The following RNF130 variants were observed in gnomAD, a reference collection of about 807,000 sequenced individuals.
RNF130 encodes the protein ring finger protein 130.
Under a neutral mutation model 44.6 loss-of-function variants are expected in RNF130, and 21 were observed. The observed-to-expected ratio is 0.47, with a 90% CI of 0.33 to 0.68. RNF130 has a LOEUF of 0.68. Ranked by LOEUF, RNF130 falls within the 30% of genes least tolerant of loss-of-function variation. RNF130 has a pLI of 0.02. For missense variants in RNF130, 479 were observed against 560.6 expected, an observed-to-expected ratio of 0.85 and a Z score of 1.47; for synonymous variants, 214 against 210.4, an observed-to-expected ratio of 1.02 and a Z score of -0.15.
At chr5:180,055,248 CAAAAAAA>C (rs1205914690) in intron 1 of RNF130, among the ~76,000 whole-genome samples, 4 of 20,988 alleles carry the variant, frequency 1.9e-4, no homozygotes, top group East Asian at 2.5e-3. Context: ...GGTTCTGTCT[CAAAAAAA>C]AAAAAAAAAA....
In RNF130 at chr5:180,040,448, T is replaced by C. The variant is rs369267739; in HGVS notation, c.442+5A>G. The C allele has an allele frequency of 1.2e-6, 2 of 1,603,570 alleles. No homozygotes were observed. The highest frequency in any genetic ancestry group is 1.3e-5 in the African/African-American group (1 of 74,422). On this transcript the variant is annotated splice_donor_5th_base_variant and intron_variant, in intron 2 of 8. Transcript: ENST00000521389. ...ACAAAATCAACAACCCTCATTTTTG[T>C]TTACCTGGATGAGTCATGGTAACTG...
At chr5:179,927,952 ACT>A (rs1448017784) in intron 7 of RNF130, among the ~76,000 whole-genome samples, 7 of 151,882 alleles carry the variant, frequency 4.6e-5, no homozygotes. Flanking sequence ...TTGTGTCTAG[ACT>A]CTGTCTGACA....
intron 3 of RNF130, among the ~76,000 whole-genome samples, chr5:179,990,160 G>A (rs796776443): frequency 3.9e-5 from 6 of 152,262 alleles, no homozygotes; most frequent in African/African-American, 1.4e-4. Flanking sequence ...GCGGAGACCA[G>A]TAGTGGCCCC....
intron 3 of RNF130, among the ~76,000 whole-genome samples, chr5:179,994,313 T>C (rs1358264486): frequency 6.6e-6 from 1 of 152,328 alleles, no homozygotes; most frequent in East Asian, 1.9e-4. Context: ...AGTATGGCCA[T>C]TTTCACAATA....
chr5:179,924,243 C>G (rs569356254), intron 7 of RNF130, among the ~76,000 whole-genome samples: 1 of 152,038 alleles, frequency 6.6e-6, no homozygotes, highest in Non-Finnish European at 1.5e-5. Flanking sequence ...CGCCTGTAAT[C>G]CCAGCACTTT....
chr5:179,984,081 A>G (rs1305480860), intron 3 of RNF130, among the ~76,000 whole-genome samples: 1 of 152,102 alleles, frequency 6.6e-6, no homozygotes, highest in Non-Finnish European at 1.5e-5. Flanking sequence ...TCAATTATTC[A>G]TTACTCATAT....
intron 1 of RNF130, among the ~76,000 whole-genome samples, chr5:180,061,271 G>GA (rs754181935): frequency 2.0e-5 from 3 of 152,140 alleles, no homozygotes; most frequent in Non-Finnish European, 2.9e-5. Context: ...TGGTCTTTTG[G>GA]AAAAAACCAC....
chr5:179,957,965 C>T lies in RNF130; in HGVS notation c.1245-2296G>A, dbSNP rs868713121. 6.7e-3 allele frequency among the ~76,000 whole-genome samples: 1,011 copies of T among 151,492 alleles called. 9 individuals are homozygous for T. Among genetic ancestry groups the T allele is most frequent in the African/African-American group, 0.023 (957 of 41,356 alleles). On this transcript the variant is annotated intron_variant, in intron 8 of 8. Transcript: ENST00000521389. ...GGATCTCGGCTCACTGCAAGCTCCGCCTCCCGGGTTCACGCCATTCTCCTG... is the reference window on the plus strand; with the variant it reads ...GGATCTCGGCTCACTGCAAGCTCCGTCTCCCGGGTTCACGCCATTCTCCTG...
chr5:180,017,787 G>A (rs1240773393), intron 2 of RNF130, among the ~76,000 whole-genome samples: 2 of 152,166 alleles, frequency 1.3e-5, no homozygotes, highest in Non-Finnish European at 2.9e-5. Flanking sequence ...AGGAACCTCA[G>A]AATTAAGCTC....
intron 5 of RNF130, among the ~76,000 whole-genome samples, chr5:179,974,136 G>C (rs1192460631): frequency 6.6e-6 from 1 of 152,152 alleles, no homozygotes; most frequent in African/African-American, 2.4e-5. Flanking sequence ...GATTATTAAA[G>C]GTCCCAGACA....
chr5:179,959,143 C>A (rs1256275979), intron 8 of RNF130, among the ~76,000 whole-genome samples: 1 of 152,100 alleles, frequency 6.6e-6, no homozygotes, highest in African/African-American at 2.4e-5. Context: ...CAGTGCAGGA[C>A]TAAGATCTTG....
chr5:180,068,200 G>C (rs1276167355), intron 1 of RNF130, among the ~76,000 whole-genome samples: 1 of 152,204 alleles, frequency 6.6e-6, no homozygotes, highest in Non-Finnish European at 1.5e-5. Context: ...CAAAAAGTTA[G>C]TGTGCACACA....
intron 7 of RNF130, among the ~76,000 whole-genome samples, chr5:179,928,009 G>A (rs1761730483): frequency 6.6e-6 from 1 of 152,126 alleles, no homozygotes; most frequent in Admixed American, 6.6e-5. Context: ...CCGCCTCAGG[G>A]AATATAGCAA....
chr5:180,031,322 A>G (rs1241071177), intron 2 of RNF130, among the ~76,000 whole-genome samples: 1 of 152,124 alleles, frequency 6.6e-6, no homozygotes, highest in Non-Finnish European at 1.5e-5. Flanking sequence ...CCCCAACTCT[A>G]GTGAAAATAC....
intron 1 of RNF130, among the ~76,000 whole-genome samples, chr5:180,067,815 A>T (rs1472231193): frequency 2.0e-5 from 3 of 152,158 alleles, no homozygotes; most frequent in Non-Finnish European, 2.9e-5. Context: ...TTATGAATTC[A>T]AACATTACAT....
chr5:180,018,107 C>G (rs1230887046), intron 2 of RNF130, among the ~76,000 whole-genome samples: 1 of 152,034 alleles, frequency 6.6e-6, no homozygotes, highest in Non-Finnish European at 1.5e-5. Flanking sequence ...CCAGCCTAGC[C>G]AATATGGCGA....
chr5:180,036,712 C>G (rs909540120), intron 2 of RNF130, among the ~76,000 whole-genome samples: 2 of 152,144 alleles, frequency 1.3e-5, no homozygotes, highest in African/African-American at 4.8e-5. Context: ...GAAGTGCTAC[C>G]CCTACTTCTC....
Position 180,038,004 on chromosome 5 carries a change from T to C in RNF130, c.442+2449A>G, listed in dbSNP as rs535466444. Among the ~76,000 whole-genome samples the C allele has an allele frequency of 2.0e-5, 3 of 152,318 alleles. No individual in the cohort carries two copies. The East Asian group carries it at 5.8e-4, about 29-fold the overall frequency. ...TGATAAAAAGAGTTACATGGTCAAA[T>C]AGGTTTGGGAAACACTAGATTACTC... On this transcript the variant is annotated intron_variant, in intron 2 of 8. Transcript: ENST00000521389.
chr5:179,948,043 G>C (rs1191190536), intron 7 of RNF130, among the ~76,000 whole-genome samples: 2 of 152,200 alleles, frequency 1.3e-5, no homozygotes, highest in Admixed American at 1.3e-4. Flanking sequence ...CTCCAGGCTG[G>C]AGGGTATAAA....
Sources: gnomAD v4.1 joint callset for allele counts (sites outside exome capture counted in the v4.1 genomes callset) on GRCh38, gnomAD v4.1.1 for gene constraint, MANE v1.5 for transcripts, NCBI Gene and HGNC (gene_info 2026-07-23, HGNC 2026-07-21) for gene names.